TDRD7: variants seen among roughly 807,000 people sequenced by gnomAD.
The protein encoded by TDRD7 is tudor domain containing 7.
TDRD7 carries 47 observed loss-of-function variants against 109.8 expected under a neutral mutation model. That is an observed-to-expected ratio of 0.43 (90% CI 0.34 to 0.55). The LOEUF is 0.55. Among genes scored for constraint, TDRD7 ranks in the 20% least tolerant of loss-of-function variants. TDRD7 has a pLI of 0.03. For synonymous variants in TDRD7, 424 were observed against 457.3 expected, an observed-to-expected ratio of 0.93 and a Z score of 0.93; for missense variants, 1,164 against 1,319.2, an observed-to-expected ratio of 0.88 and a Z score of 1.82.
chr9:97,428,358 G>A, intron 1 of TDRD7, 102 bp from the exon 2 acceptor site: 1 of 1,119,160 alleles, frequency 8.9e-7, no homozygotes, highest in South Asian at 1.3e-5. Flanking sequence ...CAGAAAGTAT[G>A]CAGTAATAAT....
intron 6 of TDRD7, among the ~76,000 whole-genome samples, chr9:97,447,205 A>G (rs1405909202): frequency 6.6e-6 from 1 of 152,144 alleles, no homozygotes; most frequent in African/African-American, 2.4e-5. Context: ...AACAGAAACT[A>G]CCCATAAGGC....
chr9:97,437,688 C>T (rs561069445), intron 4 of TDRD7, among the ~76,000 whole-genome samples: 1 of 152,176 alleles, frequency 6.6e-6, no homozygotes, highest in Non-Finnish European at 1.5e-5. Context: ...TCTTGCTGAT[C>T]ATTGACAGTT....
Position 97,448,098 on chromosome 9 carries a change from T to C in TDRD7, c.855+6223T>C, listed in dbSNP as rs116244475. On this transcript the variant is annotated intron_variant, in intron 6 of 16. Coordinates refer to ENST00000355295, the MANE Select transcript of TDRD7 (RefSeq NM_014290.3). The stretch of plus-strand genomic sequence containing the variant: ...TTGTCAACAGTCAAGGATTACCCTC[T>C]ACAAGGATCTTTTTACTTTTACCTT... Among the ~76,000 whole-genome samples, 909 of 152,324 alleles carry C rather than the reference T, an allele frequency of 6.0e-3. 11 individuals are homozygous for C. Among genetic ancestry groups the C allele is most frequent in the African/African-American group, 0.021 (889 of 41,562 alleles).
rs1313968130 is a variant in TDRD7 at position 97,473,541 on chromosome 9, G to C, written c.1994G>C (p.Gly665Ala). 6.2e-7 allele frequency: 1 copy of C among 1,613,612 alleles called. No homozygotes were observed. Among genetic ancestry groups the C allele is most frequent in the African/African-American group, 1.3e-5 (1 of 74,892 alleles). Residue 665 changes from glycine (G) to alanine (A), a missense_variant, in exon 11 of 17, where the codon GGG (glycine) becomes GCG (alanine). Gly to Ala is a moderately conservative substitution (Grantham distance 60, BLOSUM62 0). Transcript: ENST00000355295. ...NVKVTNICSD[G>A]TLYCQVPCKG... Reference sequence around the variant, plus strand: ...AAAGTAACTAATATTTGCTCTGATGGGACACTCTACTGCCAGGTGCCTTGT... The same window carrying C: ...AAAGTAACTAATATTTGCTCTGATGCGACACTCTACTGCCAGGTGCCTTGT...
intron 16 of TDRD7, among the ~76,000 whole-genome samples, chr9:97,494,118 A>C (rs570775792): frequency 2.0e-5 from 3 of 152,346 alleles, no homozygotes; most frequent in African/African-American, 7.2e-5. Flanking sequence ...TTGATTGGGG[A>C]AGTGATAAGT....
In TDRD7 at chr9:97,472,310, G is replaced by C; in HGVS notation, c.1759G>C (p.Asp587His). Residue 587 changes from aspartate (D) to histidine (H), a missense_variant, in exon 10 of 17, where the codon GAT becomes CAT. Asp to His is a moderately conservative substitution (Grantham distance 81). Transcript: ENST00000355295. ...CKLAGLEVLS[D>H]DPDLVKVVES... ...TTTTTCAGGCTTGGAAGTCCTAAGC[G>C]ATGACCCTGATCTAGTGAAGGTGGT... 1 of 1,613,800 alleles carries C rather than the reference G, an allele frequency of 6.2e-7. No homozygotes were observed. The highest frequency in any genetic ancestry group is 8.5e-7 in the Non-Finnish European group (1 of 1,179,790).
At chr9:97,449,680 A>C (rs1457840605) in intron 6 of TDRD7, among the ~76,000 whole-genome samples, 1 of 152,108 alleles carries the variant, frequency 6.6e-6, no homozygotes, top group Non-Finnish European at 1.5e-5. Flanking sequence ...TAAACCATTG[A>C]CCATTGGTGA....
chr9:97,432,294 A>C (rs1232325917), intron 4 of TDRD7, 56 bp downstream of exon 4: 10 of 1,456,548 alleles, frequency 6.9e-6, no homozygotes, highest in Non-Finnish European at 9.6e-6. Context: ...AAGTGTTACA[A>C]ATGTATGTTC....
At chr9:97,423,748 T>A (rs1408884522) in intron 1 of TDRD7, among the ~76,000 whole-genome samples, 1 of 152,166 alleles carries the variant, frequency 6.6e-6, no homozygotes, top group Non-Finnish European at 1.5e-5. Flanking sequence ...ATTTTGGAGG[T>A]AGCCTTTCTC....
chr9:97,456,111 T>C (rs993153694), intron 6 of TDRD7, among the ~76,000 whole-genome samples: 1 of 152,096 alleles, frequency 6.6e-6, no homozygotes, highest in Non-Finnish European at 1.5e-5. Flanking sequence ...GGAACACAGC[T>C]AACAAAGGAC....
At chr9:97,449,361 C>T (rs1330271424) in intron 6 of TDRD7, among the ~76,000 whole-genome samples, 1 of 152,204 alleles carries the variant, frequency 6.6e-6, no homozygotes, top group Non-Finnish European at 1.5e-5. Flanking sequence ...TGCTGGTCCT[C>T]TACATATACA....
At position 97,482,866 on chromosome 9, in the gene TDRD7, A is replaced by C. The variant is rs1274265116; in HGVS notation, c.2430A>C (p.Glu810Asp). The change falls in exon 15 of 17, where the codon GAA (glutamate) becomes GAC (aspartate). Residue 810 changes from glutamate to aspartate, a missense_variant. This residue lies in a region of TDRD7 where 233 missense variants were observed against 218.0 expected (regional missense o/e 1.07). Transcript: ENST00000355295. ...TTCCAAAGGTTACAAAAGTGGATGA[A>C]ACCAGAGGGATCGCACATGTTTATT... ...DCSIKVTKVD[E>D]TRGIAHVYLF... 6.2e-7 allele frequency: 1 copy of C among 1,614,144 alleles called. No homozygotes were observed. The highest frequency in any genetic ancestry group is 8.5e-7 in the Non-Finnish European group (1 of 1,179,990).
intron 6 of TDRD7, among the ~76,000 whole-genome samples, chr9:97,443,154 A>G (rs1237521422): frequency 6.6e-6 from 1 of 152,150 alleles, no homozygotes; most frequent in Non-Finnish European, 1.5e-5. Flanking sequence ...GGCCTCTTAG[A>G]GACTGGTGTC....
intron 1 of TDRD7, among the ~76,000 whole-genome samples, chr9:97,426,396 CAT>C (rs1359384515): frequency 6.6e-6 from 1 of 152,068 alleles, no homozygotes; most frequent in Admixed American, 6.6e-5. Flanking sequence ...GGACTATAGA[CAT>C]ATGCTGCCAC....
chr9:97,475,749 T>C (rs892432444), intron 12 of TDRD7, among the ~76,000 whole-genome samples: 1 of 152,220 alleles, frequency 6.6e-6, no homozygotes, highest in Non-Finnish European at 1.5e-5. Context: ...ACACTTTTAC[T>C]ATATATTTTT....
At chr9:97,439,399 CTCTCACCT>C in intron 5 of TDRD7, 81 bp downstream of exon 5, 2 of 1,110,998 alleles carry the variant, frequency 1.8e-6, no homozygotes, top group Middle Eastern at 2.0e-4. Flanking sequence ...TTGACATTTG[CTCTCACCT>C]TCTCCTGTTT....
At chr9:97,436,596 T>C (rs1315861154) in intron 4 of TDRD7, among the ~76,000 whole-genome samples, 1 of 152,192 alleles carries the variant, frequency 6.6e-6, no homozygotes, top group Non-Finnish European at 1.5e-5. Flanking sequence ...GATCTTTTAC[T>C]ATGTGACTTC....
At chr9:97,470,890 A>G (rs547119290) in intron 9 of TDRD7, among the ~76,000 whole-genome samples, 1 of 152,342 alleles carries the variant, frequency 6.6e-6, no homozygotes, top group East Asian at 1.9e-4. Context: ...ATAATTTCTT[A>G]TAAAAATTTC....
intron 3 of TDRD7, among the ~76,000 whole-genome samples, chr9:97,431,616 G>A (rs1828105219): frequency 6.6e-6 from 1 of 152,178 alleles, no homozygotes; most frequent in South Asian, 2.1e-4. Flanking sequence ...GCCACAGAGA[G>A]CATTTAGGAC....
Sources: gnomAD v4.1 joint callset for allele counts (sites outside exome capture counted in the v4.1 genomes callset) on GRCh38, gnomAD v4.1.1 for gene constraint, gnomAD v4.1.1 regional missense constraint, MANE v1.5 for transcripts, NCBI Gene and HGNC (gene_info 2026-07-23, HGNC 2026-07-21) for gene names.